Variants in SP2 observed in about 807,000 individuals in gnomAD.
SP2 encodes the protein transcription factor Sp2.
A neutral mutation model predicts 50.1 loss-of-function variants in SP2; 9 were observed. That is an observed-to-expected ratio of 0.18 (90% CI 0.11 to 0.31). SP2 has a LOEUF of 0.31. SP2 is among the 10% of genes least tolerant of loss of function. The pLI is 1.00. For synonymous variants in SP2, 313 were observed against 326.6 expected (o/e 0.96, Z 0.45); for missense variants, 581 against 806.5 (o/e 0.72, Z 3.39).
chr17:47,907,986 G>A (rs1196394826), intron 1 of SP2, among the ~76,000 whole-genome samples: 1 of 152,234 alleles, frequency 6.6e-6, no homozygotes, highest in South Asian at 2.1e-4. Context: ...CAGGGAGATC[G>A]GTCTCTCTTT....
chr17:47,923,420 A>T, intron 4 of SP2, 146 bp downstream of exon 4: 2 of 657,320 alleles, frequency 3.0e-6, no homozygotes, highest in South Asian at 3.8e-5. Context: ...GCAGCTTCTC[A>T]CCTAGTCCTT....
In SP2 at chr17:47,916,634, G is replaced by C; in HGVS notation, c.563G>C (p.Ser188Thr). The C allele has an allele frequency of 1.9e-6, 3 of 1,614,048 alleles. No homozygotes were observed. Among genetic ancestry groups the C allele is most frequent in the Non-Finnish European group, 2.5e-6 (3 of 1,179,968 alleles). The stretch of plus-strand genomic sequence containing the variant: ...AAGCCAGCCCCCATCCAGAAGTCGA[G>C]TACGACCACCACCCCCGTGCAGAGC... Reference protein sequence around the residue: ...PIKPAPIQKSSTTTTPVQSGA... With the variant: ...PIKPAPIQKSTTTTTPVQSGA... Residue 188 changes from serine (S) to threonine (T), a missense_variant, in exon 3 of 7, where the codon AGT (serine) becomes ACT (threonine). Around this residue, in one of 2 missense-constraint regions of SP2, gnomAD observed 397 missense variants for 491.0 expected, o/e 0.81. Transcript: ENST00000376741. This position sits in a 1 kb window ranked among gnomAD's most constrained non-coding sequence, Gnocchi z 4.7.
chr17:47,913,439 T>C (rs1433009837), intron 1 of SP2, among the ~76,000 whole-genome samples: 1 of 152,190 alleles, frequency 6.6e-6, no homozygotes, highest in Non-Finnish European at 1.5e-5. Context: ...AAATCTGCTT[T>C]CCAGAGGTCC....
chr17:47,904,670 C>T (rs969577429), intron 1 of SP2, among the ~76,000 whole-genome samples: 7 of 152,108 alleles, frequency 4.6e-5, no homozygotes, highest in Non-Finnish European at 8.8e-5. Flanking sequence ...TAGCAAGCCA[C>T]GGCCCAGAGT....
chr17:47,927,692 G>T (rs757628508), intron 6 of SP2, 32 bp from the exon 7 acceptor site: 3 of 1,458,822 alleles, frequency 2.1e-6, no homozygotes, highest in Non-Finnish European at 2.8e-6. Context: ...TGTGCACAGG[G>T]TCTGTGGGTG....
At position 47,925,501 on chromosome 17, in the gene SP2, A is replaced by T. The variant is rs376471731; in HGVS notation, c.1701A>T (p.Thr567=). Residue 567 remains threonine, a synonymous_variant, in exon 6 of 7, where the codon ACA becomes ACT. Coordinates refer to ENST00000376741, the MANE Select transcript of SP2 (RefSeq NM_003110.6). ...CNWFFCGKRF[T]RSDELQRHAR... is the part of the protein sequence containing the mutation. ...GGTTCTTCTGTGGGAAGAGGTTCAC[A>T]CGGAGTGACGAGCTCCAACGGCATG... is the stretch of plus-strand genomic sequence containing the variant. 1.2e-6 allele frequency: 2 copies of T among 1,614,110 alleles called. No individual in the cohort carries two copies. Among genetic ancestry groups the T allele is most frequent in the Non-Finnish European group, 1.7e-6 (2 of 1,180,034 alleles).
At position 47,916,063 on chromosome 17, in the gene SP2, G is replaced by A. The variant is rs1598143344; in HGVS notation, c.85-93G>A. 1.6e-5 allele frequency: 23 copies of A among 1,465,406 alleles called. No individual in the cohort carries two copies. The highest frequency in any genetic ancestry group is 4.6e-5 in the East Asian group (2 of 43,948). The allele number at this position is 1,465,406 out of a possible 1,614,324, so 90.8% of individuals were successfully genotyped here. A position where few individuals can be genotyped will look rare whatever the true frequency, so the allele number is the denominator to read the frequency against. On this transcript the variant is annotated intron_variant, in intron 2 of 6. Coordinates refer to ENST00000376741, the MANE Select transcript of SP2 (RefSeq NM_003110.6). This position sits in a 1 kb window ranked among gnomAD's most constrained non-coding sequence, Gnocchi z 4.7. The stretch of plus-strand genomic sequence containing the variant: ...TGCCCCGGAGGTGGGGAAGACTGGC[G>A]TGGAATGCCGCCAGGAGGAGAGGAT...
intron 3 of SP2, among the ~76,000 whole-genome samples, chr17:47,919,992 A>C (rs1415155221): frequency 6.7e-6 from 1 of 149,646 alleles, no homozygotes; most frequent in South Asian, 2.1e-4. Context: ...GCGTGCCACC[A>C]CGCCCGGCTA....
At chr17:47,907,414 G>A (rs2034807368) in intron 1 of SP2, among the ~76,000 whole-genome samples, 1 of 152,158 alleles carries the variant, frequency 6.6e-6, no homozygotes, top group Admixed American at 6.5e-5. Context: ...CCTATGCCAT[G>A]CTGCCTTCAA....
chr17:47,902,371 T>C (rs1299244974), intron 1 of SP2, among the ~76,000 whole-genome samples: 6 of 152,088 alleles, frequency 3.9e-5, no homozygotes, highest in Admixed American at 6.6e-5. Context: ...TGGGATGGTA[T>C]TGGGGGCCTC....
At chr17:47,923,954 C>G (rs1020360080) in intron 4 of SP2, among the ~76,000 whole-genome samples, 16 of 152,034 alleles carry the variant, frequency 1.1e-4, no homozygotes, top group Admixed American at 5.2e-4. Context: ...TCCGCCTCAG[C>G]CTCCCAAAAT....
At position 47,928,067 on chromosome 17, in the gene SP2, G is replaced by T; in HGVS notation, c.*243G>T. On this transcript the variant is annotated 3_prime_UTR_variant, in exon 7 of 7. Transcript: ENST00000376741. ...CCTGCCCAGACTGTGGACACTGGCC[G>T]TGCCCAATGAGACGTTCTAAACCAG... 1 of 489,810 alleles carries T rather than the reference G, an allele frequency of 2.0e-6. No individual in the cohort carries two copies. 30.3% of individuals were successfully genotyped at this position (489,810 alleles called of 1,614,324 possible).
intron 1 of SP2, among the ~76,000 whole-genome samples, chr17:47,901,648 G>T (rs1418561711): frequency 1.3e-5 from 2 of 152,128 alleles, no homozygotes; most frequent in African/African-American, 2.4e-5. Context: ...GAAGTTTTTG[G>T]CCAGGAGCAG....
chr17:47,925,571 C>G (rs760111466), intron 6 of SP2, 30 bp downstream of exon 6: 1 of 1,586,086 alleles, frequency 6.3e-7, no homozygotes, highest in African/African-American at 1.3e-5. Context: ...GACCCTCCAC[C>G]CACAGAGGTC....
At chr17:47,919,972 G>T (rs553756606) in intron 3 of SP2, among the ~76,000 whole-genome samples, 1 of 151,808 alleles carries the variant, frequency 6.6e-6, no homozygotes, top group East Asian at 1.9e-4. Context: ...AAGTTGCTGG[G>T]ATTACAGGCG....
intron 1 of SP2, chr17:47,899,930 A>G (rs2034474286): frequency 1.3e-5 from 2 of 152,270 alleles, no homozygotes; most frequent in Non-Finnish European, 2.9e-5. Context: ...GGACAAGCAC[A>G]CTTGCAGACC....
chr17:47,927,350 A>C (rs1020920784), intron 6 of SP2, among the ~76,000 whole-genome samples: 5 of 152,080 alleles, frequency 3.3e-5, no homozygotes, highest in African/African-American at 1.2e-4. Flanking sequence ...CCTGGACAAC[A>C]TGGCGAAACC....
rs140103969 is a variant in SP2 at position 47,903,394 on chromosome 17, G to A, written c.7+7101G>A. On this transcript the variant is annotated intron_variant, in intron 1 of 6. Coordinates refer to ENST00000376741, the MANE Select transcript of SP2 (RefSeq NM_003110.6). ...TTTCAAGGAAGAAGAGGCCAGGCGC[G>A]GTGGCTCACGCCTGTAATCCCAGCA... Among the ~76,000 whole-genome samples, 493 of 152,256 alleles carry A rather than the reference G, an allele frequency of 3.2e-3. 2 individuals carry two copies. Among genetic ancestry groups the A allele is most frequent in the South Asian group, 0.011 (52 of 4,824 alleles).
rs755657346 is a variant in SP2 at position 47,916,870 on chromosome 17, A to T, written c.799A>T (p.Thr267Ser). The T allele has an allele frequency of 1.2e-6, 2 of 1,613,786 alleles. No individual in the cohort carries two copies. The highest frequency in any genetic ancestry group is 4.5e-5 in the East Asian group (2 of 44,884). ...PPVAVAEQVE[T>S]VLIETTADNI... ...TGTGGCTGTGGCTGAGCAGGTGGAGACGGTGCTGATCGAGACCACCGCGGA... is the reference window on the plus strand; with the variant it reads ...TGTGGCTGTGGCTGAGCAGGTGGAGTCGGTGCTGATCGAGACCACCGCGGA... The change falls in exon 3 of 7, where the codon ACG (threonine) becomes TCG (serine). Residue 267 changes from threonine to serine, a missense_variant. Around this residue, in one of 2 missense-constraint regions of SP2, gnomAD observed 397 missense variants for 491.0 expected, o/e 0.81. Coordinates refer to ENST00000376741, the MANE Select transcript of SP2 (RefSeq NM_003110.6). The surrounding 1 kb of genome is among the most constrained non-coding windows in gnomAD (Gnocchi z 4.7).
Sources: gnomAD v4.1 joint callset for allele counts (sites outside exome capture counted in the v4.1 genomes callset) on GRCh38, gnomAD v4.1.1 for gene constraint, gnomAD v4.1.1 regional missense constraint, Gnocchi (gnomAD v3.1) non-coding constraint, MANE v1.5 for transcripts, NCBI Gene and HGNC (gene_info 2026-07-23, HGNC 2026-07-21) for gene names.